Variants in EPAS1 observed in about 807,000 individuals in gnomAD.
EPAS1 encodes endothelial PAS domain protein 1.
In EPAS1, 23 loss-of-function variants were observed where a neutral mutation model predicts 87.9. The observed-to-expected ratio is 0.26, with a 90% CI of 0.19 to 0.37. The LOEUF is 0.37. EPAS1 is among the 10% of genes least tolerant of loss of function. EPAS1 has a pLI of 1.00. For missense variants in EPAS1, 1,138 were observed against 1,120.7 expected (o/e 1.02, Z -0.22); for synonymous variants, 508 against 444.3 (o/e 1.14, Z -1.80).
intron 1 of EPAS1, among the ~76,000 whole-genome samples, chr2:46,324,334 T>C (rs1458267930): frequency 6.6e-6 from 1 of 152,232 alleles, no homozygotes; most frequent in Non-Finnish European, 1.5e-5. Context: ...CCCAAGGTGC[T>C]AGGATTACAG....
intron 1 of EPAS1, among the ~76,000 whole-genome samples, chr2:46,305,147 T>C (rs1683085642): frequency 6.6e-6 from 1 of 152,208 alleles, no homozygotes; most frequent in South Asian, 2.1e-4. Flanking sequence ...AAGTAGATGT[T>C]GGGTGTAATT....
intron 6 of EPAS1, among the ~76,000 whole-genome samples, chr2:46,363,522 T>C (rs576001473): frequency 2.6e-5 from 4 of 152,180 alleles, no homozygotes; most frequent in Non-Finnish European, 5.9e-5. Flanking sequence ...TTTCAGGTAA[T>C]TTTCTGAAGG....
intron 6 of EPAS1, among the ~76,000 whole-genome samples, chr2:46,366,742 G>A (rs1426962243): frequency 1.3e-5 from 2 of 152,226 alleles, no homozygotes; most frequent in African/African-American, 2.4e-5. Flanking sequence ...TAGTTCCCTG[G>A]CCCCTGATGG....
In EPAS1 at chr2:46,371,435, G is replaced by C. The variant is rs1281425836; in HGVS notation, c.886+1502G>C. The stretch of plus-strand genomic sequence containing the variant: ...CAACAGGGCCCATTATGATATCTCA[G>C]AGAAGTTTCTCACTGTGCTCTCTGG... On this transcript the variant is annotated intron_variant, in intron 7 of 15. Coordinates refer to ENST00000263734, the MANE Select transcript of EPAS1 (RefSeq NM_001430.5). The surrounding 1 kb of genome is among the most constrained non-coding windows in gnomAD (Gnocchi z 4.3). 6.6e-6 allele frequency among the ~76,000 whole-genome samples: 1 copy of C among 152,106 alleles called. No homozygotes were observed. Among genetic ancestry groups the C allele is most frequent in the African/African-American group, 2.4e-5 (1 of 41,414 alleles).
At position 46,382,361 on chromosome 2, in the gene EPAS1, G is replaced by C; in HGVS notation, c.2288-64G>C. The stretch of plus-strand genomic sequence containing the variant: ...TTTTATAAAGGAAAGGGATGCTAGG[G>C]CTTCCTGGCCTCTCCCCTCCCTCAG... On this transcript the variant is annotated intron_variant, in intron 14 of 15. Coordinates refer to ENST00000263734, the MANE Select transcript of EPAS1 (RefSeq NM_001430.5). The C allele has an allele frequency of 2.5e-6, 4 of 1,598,040 alleles. No homozygotes were observed. In the South Asian group the frequency reaches 4.4e-5, roughly 18 times the overall value.
chr2:46,299,652 G>A (rs1315742736), intron 1 of EPAS1, among the ~76,000 whole-genome samples: 1 of 152,234 alleles, frequency 6.6e-6, no homozygotes, highest in African/African-American at 2.4e-5. Flanking sequence ...CAATCGCCGA[G>A]GTGGGGCCTG....
intron 1 of EPAS1, among the ~76,000 whole-genome samples, chr2:46,329,019 C>T (rs1278739104): frequency 6.6e-6 from 1 of 152,232 alleles, no homozygotes; most frequent in Non-Finnish European, 1.5e-5. Flanking sequence ...TAATGAGCCT[C>T]TGGGAAAGTG....
rs1357507652 is a variant in EPAS1, at chr2:46,347,852, G to T, written c.217+789G>T. On this transcript the variant is annotated intron_variant, in intron 2 of 15. Transcript: ENST00000263734. This position sits in a 1 kb window ranked among gnomAD's most constrained non-coding sequence, Gnocchi z 4.2. ...AGATCCTAGGTGACATTCTCGTCAG[G>T]GGTGTCAGTTCTGTAAGGACGCTGG... Among the ~76,000 whole-genome samples, 1 of 152,196 alleles carries T rather than the reference G, an allele frequency of 6.6e-6. No individual in the cohort carries two copies. Among genetic ancestry groups the T allele is most frequent in the Non-Finnish European group, 1.5e-5 (1 of 68,038 alleles).
At position 46,375,580 on chromosome 2, in the gene EPAS1, TTCTG is replaced by T. The variant is rs1415025913; in HGVS notation, c.887-104_887-101del. ...TGGTCCTCACTGTCGTGGCGCCCTG[TTCTG>T]TCTGTTCCCCTGCAGATTAGACTGC... is the stretch of plus-strand genomic sequence containing the variant. On this transcript the variant is annotated intron_variant, in intron 7 of 15. Transcript: ENST00000263734. The surrounding 1 kb of genome is among the most constrained non-coding windows in gnomAD (Gnocchi z 4.1). 6 of 1,377,634 alleles carry T rather than the reference TTCTG, an allele frequency of 4.4e-6. No individual in the cohort carries two copies. The highest frequency in any genetic ancestry group is 6.1e-6 in the Non-Finnish European group (6 of 991,622). 85.3% of individuals were successfully genotyped at this position (1,377,634 alleles called of 1,614,324 possible).
At position 46,297,757 on chromosome 2, in the gene EPAS1, C is replaced by T. The variant is rs1322012668; in HGVS notation, c.-155C>T. 6.0e-6 allele frequency: 6 copies of T among 1,005,876 alleles called. No individual in the cohort carries two copies. In the Admixed American group the frequency reaches 6.7e-5, roughly 11 times the overall value. 62.3% of individuals were successfully genotyped at this position (1,005,876 alleles called of 1,614,324 possible). A position where few individuals can be genotyped will look rare whatever the true frequency, so the allele number is the denominator to read the frequency against. On this transcript the variant is annotated 5_prime_UTR_variant, in exon 1 of 16. Transcript: ENST00000263734. ...CCGCACCTAGCCCGCCGCGCGCCAC[C>T]TTCCACCTGACTGCGCGGGGCGCTC...
At position 46,360,336 on chromosome 2, in the gene EPAS1, T is replaced by C. The variant is rs1179611214; in HGVS notation, c.455-302T>C. ...GAGTTAGTGGCTGATAGGCAGTCGT[T>C]GTGTCGCTGCTCTGAAGGCACCACT... On this transcript the variant is annotated intron_variant, in intron 4 of 15. Transcript: ENST00000263734. This position sits in a 1 kb window ranked among gnomAD's most constrained non-coding sequence, Gnocchi z 4.5. 2.6e-5 allele frequency among the ~76,000 whole-genome samples: 4 copies of C among 152,204 alleles called. No homozygotes were observed. The highest frequency in any genetic ancestry group is 4.4e-5 in the Non-Finnish European group (3 of 68,030).
At chr2:46,322,511 G>A (rs747487979) in intron 1 of EPAS1, among the ~76,000 whole-genome samples, 6 of 152,104 alleles carry the variant, frequency 3.9e-5, no homozygotes, top group Non-Finnish European at 7.4e-5. Context: ...TTTCTTACTC[G>A]GCCCGCAGGT....
chr2:46,332,836 C>T (rs535747627), intron 1 of EPAS1, among the ~76,000 whole-genome samples: 52 of 152,212 alleles, frequency 3.4e-4, no homozygotes, highest in African/African-American at 9.2e-4. Context: ...CTCTGGGCCA[C>T]GGGTGTTGGG....
chr2:46,380,029 G>A lies in EPAS1; in HGVS notation c.1555-198G>A. 1 of 784,254 alleles carries A rather than the reference G, an allele frequency of 1.3e-6. No individual in the cohort carries two copies. The highest frequency in any genetic ancestry group is 2.5e-5 in the East Asian group (1 of 40,622). 48.6% of individuals were successfully genotyped at this position (784,254 alleles called of 1,614,324 possible). A position where few individuals can be genotyped will look rare whatever the true frequency, so the allele number is the denominator to read the frequency against. On this transcript the variant is annotated intron_variant, in intron 11 of 15. Transcript: ENST00000263734. This position sits in a 1 kb window ranked among gnomAD's most constrained non-coding sequence, Gnocchi z 4.4. ...AGGGGATAAACATGGGGGAAGGCTG[G>A]TACATGATACAAGGTCGTGTACATG...
At chr2:46,351,813 C>T (rs999104976) in intron 2 of EPAS1, among the ~76,000 whole-genome samples, 4 of 152,276 alleles carry the variant, frequency 2.6e-5, no homozygotes, top group African/African-American at 4.8e-5. Flanking sequence ...CCAGCAGCAC[C>T]GTGGGGCAGC....
intron 1 of EPAS1, among the ~76,000 whole-genome samples, chr2:46,308,289 T>A (rs1683146893): frequency 6.6e-6 from 1 of 152,146 alleles, no homozygotes; most frequent in Non-Finnish European, 1.5e-5. Context: ...ACAGTGGCAC[T>A]CCCACTCCCT....
At chr2:46,354,453 A>G (rs1164592313) in intron 2 of EPAS1, among the ~76,000 whole-genome samples, 1 of 151,930 alleles carries the variant, frequency 6.6e-6, no homozygotes, top group African/African-American at 2.4e-5. Context: ...GGGCTGAAAT[A>G]AAGTCTGTGG....
At chr2:46,333,923 C>G (rs141434726) in intron 1 of EPAS1, among the ~76,000 whole-genome samples, 173 of 152,118 alleles carry the variant, frequency 1.1e-3, no homozygotes, top group African/African-American at 4.0e-3. Context: ...TAAAACACCA[C>G]CAGAGCCAGA....
rs767423905 is a variant in EPAS1, at chr2:46,381,696, G to C, written c.2146G>C (p.Glu716Gln). The change falls in exon 13 of 16, where the codon GAG becomes CAG. Residue 716 changes from glutamate (E) to glutamine (Q), a missense_variant. By Grantham distance (29) the Glu-to-Gln change is conservative. Around this residue, in one of 4 missense-constraint regions of EPAS1, gnomAD observed 502 missense variants for 427.1 expected, o/e 1.18. Coordinates refer to ENST00000263734, the MANE Select transcript of EPAS1 (RefSeq NM_001430.5). ...LKLKRQLEYE[E>Q]QAFQDLSGGD... ...GCTGAAGCGACAGCTGGAGTATGAA[G>C]AGCAAGCCTTCCAGGACCTGAGCGG... The C allele has an allele frequency of 2.5e-6, 4 of 1,613,980 alleles. No homozygotes were observed. In the Admixed American group the frequency reaches 6.7e-5, roughly 27 times the overall value.
Sources: allele counts gnomAD v4.1 joint callset (sites outside exome capture counted in the v4.1 genomes callset), GRCh38; gene constraint gnomAD v4.1.1; regional missense constraint gnomAD v4.1.1; non-coding constraint Gnocchi (gnomAD v3.1); transcripts MANE v1.5; gene names NCBI Gene and HGNC (gene_info 2026-07-23, HGNC 2026-07-21).